The following INSYN2A variants were observed in gnomAD, a reference collection of about 807,000 sequenced individuals.
The protein encoded by INSYN2A is family with sequence similarity 196 member A.
Under a neutral mutation model 39.4 loss-of-function variants are expected in INSYN2A, and 17 were observed. That is an observed-to-expected ratio of 0.43 (90% CI 0.30 to 0.65). The LOEUF (loss-of-function observed/expected upper bound fraction) is 0.65. Ranked by LOEUF, INSYN2A falls within the 30% of genes least tolerant of loss-of-function variation. The pLI is 0.14. For missense variants in INSYN2A, 595 were observed against 631.2 expected (o/e 0.94, Z 0.61); for synonymous variants, 255 against 265.7 (o/e 0.96, Z 0.39).
In INSYN2A at chr10:127,192,605, A is replaced by T. The variant is rs1439675057; in HGVS notation, c.-269T>A. 6.6e-6 allele frequency: 1 copy of T among 152,242 alleles called. No homozygotes were observed. Among genetic ancestry groups the T allele is most frequent in the Non-Finnish European group, 1.5e-5 (1 of 68,036 alleles). The allele number at this position is 152,242 out of a possible 1,614,324, so 9.4% of individuals were successfully genotyped here. A position where few individuals can be genotyped will look rare whatever the true frequency, so the allele number is the denominator to read the frequency against. On this transcript the variant is annotated splice_region_variant and 5_prime_UTR_variant, in exon 2 of 6. Coordinates refer to ENST00000522781, the MANE Select transcript of INSYN2A (RefSeq NM_001039762.3). ...GCACACTGAATATCCTGTGACTTAC[A>T]GTAGAGGGGTCTCTGAAAGGACTTG...
intron 5 of INSYN2A, among the ~76,000 whole-genome samples, chr10:127,142,727 A>G (rs188040693): frequency 1.2e-4 from 18 of 152,268 alleles, no homozygotes; most frequent in African/African-American, 4.3e-4. Context: ...CTCCCTCCAG[A>G]TAAGGGAACC....
chr10:127,140,721 G>C (rs568157967), intron 5 of INSYN2A, among the ~76,000 whole-genome samples: 1 of 124,190 alleles, frequency 8.1e-6, no homozygotes, highest in South Asian at 2.7e-4. Flanking sequence ...GCATCAGAAG[G>C]TTAACGGTCT....
At chr10:127,185,990 G>A (rs894828486) in intron 2 of INSYN2A, among the ~76,000 whole-genome samples, 2 of 152,162 alleles carry the variant, frequency 1.3e-5, no homozygotes, top group African/African-American at 4.8e-5. Flanking sequence ...CCAAGATATG[G>A]TAGTGGCAAA....
intron 2 of INSYN2A, among the ~76,000 whole-genome samples, chr10:127,180,473 A>G (rs1425508406): frequency 6.6e-6 from 1 of 152,202 alleles, no homozygotes; most frequent in Non-Finnish European, 1.5e-5. Flanking sequence ...GAAAATGGCT[A>G]GTCATGGTTG....
chr10:127,169,274 A>G (rs2054350267), intron 4 of INSYN2A, among the ~76,000 whole-genome samples: 1 of 152,194 alleles, frequency 6.6e-6, no homozygotes. Flanking sequence ...AACAGCCTGA[A>G]TGCCGATGAA....
In INSYN2A at chr10:127,195,525, C is replaced by G. The variant is rs530154858; in HGVS notation, c.-395+472G>C. On this transcript the variant is annotated intron_variant, in intron 1 of 5. Coordinates refer to ENST00000522781, the MANE Select transcript of INSYN2A (RefSeq NM_001039762.3). ...CAGGGCCCCTCTGTTCCAACTCATC[C>G]CCCCCCCGAAGTTAATCAGCCGTAC... 2.6e-5 allele frequency among the ~76,000 whole-genome samples: 4 copies of G among 151,628 alleles called. No individual in the cohort carries two copies. The East Asian group carries it at 7.8e-4, about 29-fold the overall frequency.
intron 2 of INSYN2A, among the ~76,000 whole-genome samples, chr10:127,185,277 C>T (rs2056122066): frequency 6.6e-6 from 1 of 152,068 alleles, no homozygotes; most frequent in Non-Finnish European, 1.5e-5. Flanking sequence ...GCCTGTAATC[C>T]CAGCACTTTG....
intron 4 of INSYN2A, among the ~76,000 whole-genome samples, chr10:127,173,051 T>C (rs2054729718): frequency 6.6e-6 from 1 of 152,180 alleles, no homozygotes. Flanking sequence ...TGGCAGCCTG[T>C]GTGCCGGGCA....
chr10:127,160,975 C>T (rs2053545747), intron 4 of INSYN2A, among the ~76,000 whole-genome samples: 1 of 152,126 alleles, frequency 6.6e-6, no homozygotes, highest in African/African-American at 2.4e-5. Context: ...TAATTAGAGG[C>T]ATAAAATGAT....
chr10:127,141,851 G>A (rs2051290440), intron 5 of INSYN2A, among the ~76,000 whole-genome samples: 1 of 152,192 alleles, frequency 6.6e-6, no homozygotes, highest in Non-Finnish European at 1.5e-5. Context: ...CACTCCAGAT[G>A]GAGTCTGTGG....
rs1420320418 is a variant in INSYN2A, at chr10:127,137,798, G to T, written c.*39C>A. The stretch of plus-strand genomic sequence containing the variant: ...AAAGTATTGACTTAAACTCCAGTGG[G>T]TTCTAAAGACGGCCTCGAGACTCCA... On this transcript the variant is annotated 3_prime_UTR_variant, in exon 6 of 6. Coordinates refer to ENST00000522781, the MANE Select transcript of INSYN2A (RefSeq NM_001039762.3). 1.3e-6 allele frequency: 2 copies of T among 1,572,662 alleles called. No individual in the cohort carries two copies. The highest frequency in any genetic ancestry group is 2.3e-5 in the South Asian group (2 of 86,402).
At chr10:127,143,909 C>T (rs1226477137) in intron 5 of INSYN2A, among the ~76,000 whole-genome samples, 5 of 152,156 alleles carry the variant, frequency 3.3e-5, no homozygotes, top group Non-Finnish European at 7.4e-5. Flanking sequence ...ATGTCCAGAA[C>T]CAGATCTTTC....
intron 4 of INSYN2A, among the ~76,000 whole-genome samples, chr10:127,164,980 T>G (rs1003046107): frequency 6.6e-6 from 1 of 152,212 alleles, no homozygotes; most frequent in African/African-American, 2.4e-5. Context: ...GGAGGAGAGA[T>G]AAAGCTTAAG....
At chr10:127,182,737 C>A (rs191264851) in intron 2 of INSYN2A, among the ~76,000 whole-genome samples, 84 of 152,282 alleles carry the variant, frequency 5.5e-4, no homozygotes, top group African/African-American at 1.9e-3. Flanking sequence ...ACCAAAATCA[C>A]CTGTGAGATT....
intron 4 of INSYN2A, among the ~76,000 whole-genome samples, chr10:127,155,593 A>C (rs2052965208): frequency 6.6e-6 from 1 of 152,038 alleles, no homozygotes; most frequent in African/African-American, 2.4e-5. Flanking sequence ...GTTCCTCACC[A>C]GACACGGTGA....
chr10:127,167,525 T>C (rs1589736694), intron 4 of INSYN2A, among the ~76,000 whole-genome samples: 1 of 152,202 alleles, frequency 6.6e-6, no homozygotes, highest in East Asian at 1.9e-4. Context: ...GAAACTTTTA[T>C]GAATATTATA....
intron 1 of INSYN2A, among the ~76,000 whole-genome samples, chr10:127,195,284 C>T (rs1048127404): frequency 3.3e-5 from 5 of 152,314 alleles, no homozygotes; most frequent in African/African-American, 9.6e-5. Context: ...CTCCTGCCCT[C>T]GCCCGCCAGC....
At chr10:127,141,626 G>A (rs865951774) in intron 5 of INSYN2A, among the ~76,000 whole-genome samples, 5 of 151,840 alleles carry the variant, frequency 3.3e-5, no homozygotes, top group African/African-American at 1.2e-4. Context: ...AGTTGAGATC[G>A]TGCCACTGCA....
rs2050605908 is a variant in INSYN2A, at chr10:127,135,453, A to T, written c.*2384T>A. On this transcript the variant is annotated 3_prime_UTR_variant, in exon 6 of 6. Transcript: ENST00000522781. ...AACATCTTTGATTTTTTTATTTAAA[A>T]ATTAATAAAGAACTTAACGACAAGT... 1.3e-5 allele frequency: 2 copies of T among 152,666 alleles called. No homozygotes were observed. The highest frequency in any genetic ancestry group is 4.1e-4 in the South Asian group (2 of 4,828). The allele number at this position is 152,666 out of a possible 1,614,324, so 9.5% of individuals were successfully genotyped here. A position where few individuals can be genotyped will look rare whatever the true frequency, so the allele number is the denominator to read the frequency against.
Sources: gnomAD v4.1 joint callset for allele counts (sites outside exome capture counted in the v4.1 genomes callset) on GRCh38, gnomAD v4.1.1 for gene constraint, MANE v1.5 for transcripts, NCBI Gene and HGNC (gene_info 2026-07-23, HGNC 2026-07-21) for gene names.